The following MKRN1 variants were observed in gnomAD, a reference collection of about 807,000 sequenced individuals.
MKRN1 encodes the protein makorin ring finger protein 1.
In MKRN1, 9 loss-of-function variants were observed where a neutral mutation model predicts 55.5. The ratio of observed to expected loss-of-function variants is 0.16; its 90% CI spans 0.10 to 0.28. The LOEUF is 0.28. MKRN1 is among the 10% of genes least tolerant of loss of function. MKRN1 has a pLI of 1.00. For synonymous variants in MKRN1, 253 were observed against 235.9 expected, an observed-to-expected ratio of 1.07 and a Z score of -0.66; for missense variants, 488 against 626.7, an observed-to-expected ratio of 0.78 and a Z score of 2.36.
intron 1 of MKRN1, among the ~76,000 whole-genome samples, chr7:140,473,533 G>A (rs1325977911): frequency 6.6e-6 from 1 of 152,042 alleles, no homozygotes; most frequent in Non-Finnish European, 1.5e-5. Flanking sequence ...GAATAGATAA[G>A]GCATTTAATC....
chr7:140,474,198 C>T (rs984228972), intron 1 of MKRN1, among the ~76,000 whole-genome samples: 3 of 150,752 alleles, frequency 2.0e-5, no homozygotes, highest in African/African-American at 7.3e-5. Context: ...CCACTATCTA[C>T]CAAAAATACA....
intron 6 of MKRN1, 88 bp from the exon 7 acceptor site, chr7:140,455,321 G>C: frequency 6.6e-7 from 1 of 1,517,288 alleles, no homozygotes; most frequent in Non-Finnish European, 9.0e-7. Flanking sequence ...AACAGGTAGG[G>C]ATAGAACCAG....
Position 140,470,563 on chromosome 7 carries a change from C to T in MKRN1, c.314+1320G>A, listed in dbSNP as rs999916365. ...TTGCGCCACTGCACTCCAGCCTGGG[C>T]GACAAGAGCAAGACTCCATCCTAAA... On this transcript the variant is annotated intron_variant, in intron 2 of 7. Coordinates refer to ENST00000255977, the MANE Select transcript of MKRN1 (RefSeq NM_013446.4). 4.9e-4 allele frequency among the ~76,000 whole-genome samples: 74 copies of T among 151,776 alleles called. 2 individuals carry two copies. The highest frequency in any genetic ancestry group is 4.7e-3 in the Admixed American group (71 of 15,188).
Position 140,454,645 on chromosome 7 carries a change from TG to T in MKRN1, c.1320del (p.Thr441ProfsTer20). The T allele has an allele frequency of 6.2e-7, 1 of 1,613,982 alleles. No individual in the cohort carries two copies. Among genetic ancestry groups the T allele is most frequent in the African/African-American group, 1.3e-5 (1 of 75,040 alleles). ...AGCAACATCTCGCCCAGCTCAAAGG[TG>T]ACAACCTCTTCTTCATCGTTGTCAA... ...NPFDNDEEEV[V>X]TFELGEMLLM... On this transcript the variant is annotated frameshift_variant, in exon 8 of 8. Transcript: ENST00000255977. LOFTEE classifies it high-confidence loss of function.
intron 2 of MKRN1, among the ~76,000 whole-genome samples, chr7:140,469,612 C>G (rs1794864122): frequency 6.6e-6 from 1 of 151,846 alleles, no homozygotes. Context: ...TAAAGTATCC[C>G]TATGAAAAGG....
At position 140,468,379 on chromosome 7, in the gene MKRN1, C is replaced by A. The variant is rs184731575; in HGVS notation, c.314+3504G>T. Among the ~76,000 whole-genome samples, 32 of 152,126 alleles carry A rather than the reference C, an allele frequency of 2.1e-4. No individual in the cohort carries two copies. In the East Asian group the frequency reaches 6.0e-3, roughly 29 times the overall value. ...GCAGTGTGAAGTTCTCATGACTCTG[C>A]CTTTTATATTGGGACTGCAAAAGAC... On this transcript the variant is annotated intron_variant, in intron 2 of 7. Coordinates refer to ENST00000255977, the MANE Select transcript of MKRN1 (RefSeq NM_013446.4).
chr7:140,457,048 G>GT (rs1359311451), intron 4 of MKRN1, 182 bp from the exon 5 acceptor site: 5 of 645,396 alleles, frequency 7.7e-6, no homozygotes, highest in Non-Finnish European at 1.3e-5. Flanking sequence ...TTTTTTGTTT[G>GT]TTTGTTTTTG....
chr7:140,463,257 GCT>G (rs1360216942), intron 2 of MKRN1, among the ~76,000 whole-genome samples: 1 of 152,194 alleles, frequency 6.6e-6, no homozygotes, highest in Non-Finnish European at 1.5e-5. Flanking sequence ...TCATGAATAT[GCT>G]CTTTCACTTT....
At chr7:140,470,336 G>A (rs55714045) in intron 2 of MKRN1, among the ~76,000 whole-genome samples, 40,837 of 151,918 alleles carry the variant, frequency 0.27, 9,349 homozygotes, top group African/African-American at 0.63. Context: ...TGTAATCTCA[G>A]CACTTTGGGA....
chr7:140,474,442 G>A, intron 1 of MKRN1: 1 of 358,976 alleles, frequency 2.8e-6, no homozygotes, highest in Non-Finnish European at 5.7e-6. Context: ...TGGGTTGGGG[G>A]GGGCCCAGAG....
rs150662826 is a variant in MKRN1, at chr7:140,459,777, A to T, written c.474T>A (p.Thr158=). ...CCCAGTCCTCTGAACCTGCTCCTAC[A>T]GTTGCAAAGTTTGAATTTCTTGACT... ...EAESRNSNFA[T]VGAGSEDWVN... is the part of the protein sequence containing the mutation. Residue 158 remains threonine (T), a synonymous_variant, in exon 3 of 8, where the codon ACT becomes ACA. Transcript: ENST00000255977. 6.9e-5 allele frequency: 112 copies of T among 1,613,960 alleles called. No homozygotes were observed. The African/African-American group carries it at 1.4e-3, about 20-fold the overall frequency.
At chr7:140,462,468 C>G (rs1610271) in intron 2 of MKRN1, among the ~76,000 whole-genome samples, 9,803 of 152,178 alleles carry the variant, frequency 0.064, 1,070 homozygotes, top group African/African-American at 0.22. Flanking sequence ...TATGTTTATA[C>G]GCAAAAATAA....
In MKRN1 at chr7:140,469,266, C is replaced by T. The variant is rs143268949; in HGVS notation, c.314+2617G>A. ...GCGTGAACCCGGGAGGCGGAGCTTG[C>T]AGTGAGCTGAGATCCCACCACCGCA... On this transcript the variant is annotated intron_variant, in intron 2 of 7. Transcript: ENST00000255977. Among the ~76,000 whole-genome samples, 593 of 151,270 alleles carry T rather than the reference C, an allele frequency of 3.9e-3. 2 individuals are homozygous for T. The highest frequency in any genetic ancestry group is 0.014 in the African/African-American group (566 of 41,196).
chr7:140,459,368 C>T, intron 3 of MKRN1, 135 bp from the exon 4 acceptor site: 1 of 889,486 alleles, frequency 1.1e-6, no homozygotes, highest in Non-Finnish European at 1.7e-6. Context: ...CTAACTTCTT[C>T]ACTTGAAAGA....
chr7:140,459,667 C>G, intron 3 of MKRN1, 40 bp downstream of exon 3: 1 of 1,576,410 alleles, frequency 6.3e-7, no homozygotes. Context: ...GAACTGCTAT[C>G]CAGCCCTCTA....
chr7:140,471,734 T>C, intron 2 of MKRN1, 149 bp downstream of exon 2: 1 of 1,108,668 alleles, frequency 9.0e-7, no homozygotes, highest in Non-Finnish European at 1.3e-6. Flanking sequence ...CATCCCAAAG[T>C]GCTGGGATTA....
At chr7:140,473,010 G>A (rs756227431) in intron 1 of MKRN1, among the ~76,000 whole-genome samples, 7 of 151,302 alleles carry the variant, frequency 4.6e-5, no homozygotes, top group East Asian at 2.0e-4. Context: ...CCAACTACTC[G>A]GGAGGCTGAG....
At chr7:140,476,159 C>T (rs1270815752) in intron 1 of MKRN1, among the ~76,000 whole-genome samples, 1 of 152,078 alleles carries the variant, frequency 6.6e-6, no homozygotes, top group East Asian at 1.9e-4. Context: ...AACACTAAAA[C>T]ACACCTCTAC....
intron 2 of MKRN1, chr7:140,460,188 G>C (rs1374508340): frequency 6.4e-6 from 3 of 468,910 alleles, no homozygotes; most frequent in African/African-American, 2.0e-5. Flanking sequence ...CAGAGGTTGT[G>C]GTGAGCCGAG....
Sources: allele counts gnomAD v4.1 joint callset (sites outside exome capture counted in the v4.1 genomes callset), GRCh38; gene constraint gnomAD v4.1.1; transcripts MANE v1.5; gene names NCBI Gene and HGNC (gene_info 2026-07-23, HGNC 2026-07-21).